The following RANBP2 variants were observed in gnomAD, a reference collection of about 807,000 sequenced individuals.
RANBP2 encodes the protein RAN binding protein 2.
In RANBP2, 57 loss-of-function variants were observed where a neutral mutation model predicts 303.6. The ratio of observed to expected loss-of-function variants is 0.19; its 90% confidence interval spans 0.15 to 0.23. The LOEUF is 0.23. Among genes scored for constraint, RANBP2 ranks in the 10% least tolerant of loss-of-function variants. The pLI, the probability that RANBP2 is intolerant of heterozygous loss-of-function variation, is 1.00. For missense variants in RANBP2, 3,138 were observed against 3,780.8 expected (o/e 0.83, Z 4.46); for synonymous variants, 1,167 against 1,301.5 (o/e 0.90, Z 2.23).
the RANBP2 span, among the ~76,000 whole-genome samples, chr2:109,485,729 G>A: frequency 8.5e-5 from 13 of 152,276 alleles, no homozygotes; most frequent in Non-Finnish European, 1.8e-4. Flanking sequence ...CTGTGAGTGT[G>A]TAAGCACACA....
the RANBP2 span, among the ~76,000 whole-genome samples, chr2:109,204,455 G>A: frequency 2.0e-5 from 3 of 152,144 alleles, no homozygotes; most frequent in Non-Finnish European, 4.4e-5. Flanking sequence ...GTTAAAACTG[G>A]GTTCACTTGT....
the RANBP2 span, among the ~76,000 whole-genome samples, chr2:109,289,715 CTT>C: frequency 6.6e-6 from 1 of 152,246 alleles, no homozygotes; most frequent in Admixed American, 6.5e-5. Context: ...CATGATATGA[CTT>C]CAGGAACGCA....
the RANBP2 span, among the ~76,000 whole-genome samples, chr2:108,851,477 C>G: frequency 7.9e-5 from 12 of 151,906 alleles, no homozygotes; most frequent in African/African-American, 2.9e-4. Context: ...AATTTTTGTA[C>G]TTTTAGTAGA....
chr2:108,905,046 GACAAA>G, the RANBP2 span, among the ~76,000 whole-genome samples: 74 of 152,140 alleles, frequency 4.9e-4, no homozygotes, highest in African/African-American at 1.4e-3. Context: ...TTTAATTAAA[GACAAA>G]ACAAAACAAA....
At chr2:109,105,391 C>T in the RANBP2 span, among the ~76,000 whole-genome samples, 1 of 152,160 alleles carries the variant, frequency 6.6e-6, no homozygotes, top group Non-Finnish European at 1.5e-5. Flanking sequence ...CAACCTACCT[C>T]AAGGGAAGAA....
chr2:109,713,151 C>A, the RANBP2 span, among the ~76,000 whole-genome samples: 1 of 152,174 alleles, frequency 6.6e-6, no homozygotes, highest in African/African-American at 2.4e-5. Flanking sequence ...ATTCAGACCG[C>A]TTTTCCTCCA....
chr2:109,282,812 G>A, the RANBP2 span, among the ~76,000 whole-genome samples: 1 of 152,174 alleles, frequency 6.6e-6, no homozygotes, highest in Non-Finnish European at 1.5e-5. Flanking sequence ...TGTCCTCCAG[G>A]GCTGGCAGGC....
chr2:109,480,575 G>A, the RANBP2 span, among the ~76,000 whole-genome samples: 2 of 152,284 alleles, frequency 1.3e-5, no homozygotes, highest in South Asian at 2.1e-4. Context: ...AGGAAGTCTC[G>A]CAGGGTAGAG....
the RANBP2 span, among the ~76,000 whole-genome samples, chr2:109,375,561 T>C: frequency 2.0e-5 from 3 of 152,240 alleles, no homozygotes; most frequent in African/African-American, 7.2e-5. Context: ...TTGAGGTTTT[T>C]CAGAATTTCA....
the RANBP2 span, among the ~76,000 whole-genome samples, chr2:108,949,210 G>A: frequency 3.9e-5 from 6 of 152,132 alleles, no homozygotes; most frequent in African/African-American, 1.4e-4. Flanking sequence ...GTGTACTCCT[G>A]AGCTCAAGTG....
chr2:109,189,242 G>A, the RANBP2 span, among the ~76,000 whole-genome samples: 2 of 151,822 alleles, frequency 1.3e-5, no homozygotes, highest in African/African-American at 2.4e-5. Context: ...AGGAGGTGGC[G>A]TGAGGTCTGG....
the RANBP2 span, among the ~76,000 whole-genome samples, chr2:108,998,125 A>G: frequency 6.6e-6 from 1 of 151,986 alleles, no homozygotes; most frequent in African/African-American, 2.4e-5. Context: ...GTCACCAGGG[A>G]CCTCCTAATT....
chr2:109,389,232 C>T, the RANBP2 span, among the ~76,000 whole-genome samples: 1 of 151,834 alleles, frequency 6.6e-6, no homozygotes, highest in South Asian at 2.1e-4. Context: ...CCCTCCTGGT[C>T]CTCAGCAAGA....
At chr2:108,953,203 G>A in the RANBP2 span, among the ~76,000 whole-genome samples, 3 of 152,132 alleles carry the variant, frequency 2.0e-5, no homozygotes, top group African/African-American at 7.2e-5. Context: ...CTGCATTCTG[G>A]CTAAGCCGAT....
the RANBP2 span, among the ~76,000 whole-genome samples, chr2:109,099,543 TG>T: frequency 6.6e-6 from 1 of 152,300 alleles, no homozygotes; most frequent in South Asian, 2.1e-4. Flanking sequence ...CTTCCTGTCC[TG>T]GCCCAGAACT....
At chr2:109,115,255 G>A in the RANBP2 span, among the ~76,000 whole-genome samples, 1 of 152,158 alleles carries the variant, frequency 6.6e-6, no homozygotes, top group Non-Finnish European at 1.5e-5. Context: ...TTATTATTGT[G>A]TGGGAGTCTA....
chr2:109,152,466 G>A, the RANBP2 span, among the ~76,000 whole-genome samples: 1 of 152,250 alleles, frequency 6.6e-6, no homozygotes, highest in South Asian at 2.1e-4. Context: ...TGTTCCGGGT[G>A]CCTGATGGGC....
the RANBP2 span, among the ~76,000 whole-genome samples, chr2:109,360,566 T>C: frequency 6.6e-6 from 1 of 152,244 alleles, no homozygotes; most frequent in African/African-American, 2.4e-5. Flanking sequence ...TTCCAAAATC[T>C]GAAAACATCT....
At chr2:109,107,401 T>C in the RANBP2 span, among the ~76,000 whole-genome samples, 2 of 152,178 alleles carry the variant, frequency 1.3e-5, no homozygotes, top group Non-Finnish European at 2.9e-5. Flanking sequence ...GCCAGTATGC[T>C]GGCCGAGTAC....
Sources: gnomAD v4.1 joint callset for allele counts (sites outside exome capture counted in the v4.1 genomes callset) on GRCh38, gnomAD v4.1.1 for gene constraint, MANE v1.5 for transcripts, NCBI Gene and HGNC (gene_info 2026-07-23, HGNC 2026-07-21) for gene names.